Variants in PTGR1 observed in about 807,000 individuals in gnomAD.
PTGR1 encodes the protein 15-oxoprostaglandin 13-reductase.
A neutral mutation model predicts 37.7 loss-of-function variants in PTGR1; 23 were observed. The ratio of observed to expected loss-of-function variants is 0.61; its 90% CI spans 0.44 to 0.86. The LOEUF (loss-of-function observed/expected upper bound fraction) is 0.86, where lower values mean the gene tolerates loss of function less well. Ranked by LOEUF, PTGR1 falls within the 40% of genes least tolerant of loss-of-function variation. The probability of loss-of-function intolerance (pLI) is 0.00; values close to 1 mark genes in which losing one functional copy is unlikely to be tolerated. For synonymous variants in PTGR1, 134 were observed against 140.0 expected (o/e 0.96, Z 0.30); for missense variants, 351 against 394.3 (o/e 0.89, Z 0.93).
chr9:111,561,315 G>A (rs900561633), downstream of PTGR1, among the ~76,000 whole-genome samples: 1 of 151,760 alleles, frequency 6.6e-6, no homozygotes, highest in African/African-American at 2.4e-5. Context: ...TTACTCTGCT[G>A]CCCATGCTGG....
chr9:111,550,542 T>C (rs958017011), intron 9 of PTGR1, among the ~76,000 whole-genome samples: 7 of 152,170 alleles, frequency 4.6e-5, no homozygotes, highest in African/African-American at 1.7e-4. Context: ...CACTCAGAAT[T>C]TCCCCTAGAA....
At position 111,576,321 on chromosome 9, in the gene PTGR1, A is replaced by C. The variant is rs1237270855; in HGVS notation, c.652-1479T>G. On this transcript the variant is annotated intron_variant, in intron 7 of 9. Coordinates refer to ENST00000407693, the MANE Select transcript of PTGR1 (RefSeq NM_001146108.2). ...AACTACTTGCTAAAATTTTATTTGTAACCTCAAACCAGTACTCACTAAGCT... is the reference window on the plus strand; with the variant it reads ...AACTACTTGCTAAAATTTTATTTGTCACCTCAAACCAGTACTCACTAAGCT... 5.6e-6 allele frequency: 9 copies of C among 1,605,298 alleles called. 1 individual carries two copies. The South Asian group carries it at 1.0e-4, about 18-fold the overall frequency.
Position 111,566,407 on chromosome 9 carries a change from C to T in PTGR1, c.880-3176G>A, listed in dbSNP as rs755821701. ...CCAGCCCGGCACTGCAAGTGCTATACTGGGAAGAGTGCCAAGCTCCAGTGG... is the reference window on the plus strand; with the variant it reads ...CCAGCCCGGCACTGCAAGTGCTATATTGGGAAGAGTGCCAAGCTCCAGTGG... On this transcript the variant is annotated intron_variant, in intron 9 of 9. Transcript: ENST00000407693. 2.0e-5 allele frequency among the ~76,000 whole-genome samples: 3 copies of T among 152,306 alleles called. No homozygotes were observed. In the South Asian group the frequency reaches 6.2e-4, roughly 32 times the overall value.
intron 9 of PTGR1, among the ~76,000 whole-genome samples, chr9:111,550,053 G>C (rs1827893970): frequency 6.6e-6 from 1 of 151,826 alleles, no homozygotes; most frequent in Non-Finnish European, 1.5e-5. Flanking sequence ...ATTTTTTGTT[G>C]TTGTTTTTTG....
intron 1 of PTGR1, among the ~76,000 whole-genome samples, chr9:111,598,478 CCTT>C (rs1829849659): frequency 1.3e-5 from 2 of 152,148 alleles, no homozygotes. Context: ...CGGGGTTGTT[CCTT>C]CTTTTCTTTT....
At chr9:111,591,293 G>A (rs13293713) in intron 4 of PTGR1, among the ~76,000 whole-genome samples, 7,373 of 148,264 alleles carry the variant, frequency 0.05, 238 homozygotes, top group Non-Finnish European at 0.079. Context: ...GTGAGACTCC[G>A]TCTCAAAAAA....
intron 4 of PTGR1, chr9:111,592,678 CT>C (rs748848549): frequency 0.091 from 32,744 of 359,084 alleles, no homozygotes; most frequent in East Asian, 0.13. Context: ...TGGACAAATA[CT>C]TTTTTTTTTT....
downstream of PTGR1, among the ~76,000 whole-genome samples, chr9:111,561,108 T>TAGAGAG (rs1468727296): frequency 3.7e-3 from 77 of 20,856 alleles, 7 homozygotes; most frequent in Middle Eastern, 0.029. Flanking sequence ...TATATATATA[T>TAGAGAG]ATAGAGAGAG....
intron 9 of PTGR1, among the ~76,000 whole-genome samples, chr9:111,550,716 G>A (rs2132278353): frequency 6.6e-6 from 1 of 152,186 alleles, no homozygotes; most frequent in South Asian, 2.1e-4. Context: ...TTATCTTCCA[G>A]CTCTACTATT....
chr9:111,566,104 G>A (rs1387164945), intron 9 of PTGR1, among the ~76,000 whole-genome samples: 2 of 152,114 alleles, frequency 1.3e-5, no homozygotes, highest in East Asian at 3.9e-4. Context: ...TTGGGAGGCT[G>A]AAGTGGGAGA....
intron 9 of PTGR1, among the ~76,000 whole-genome samples, chr9:111,552,709 C>G (rs984496823): frequency 6.6e-6 from 1 of 152,086 alleles, no homozygotes; most frequent in Non-Finnish European, 1.5e-5. Flanking sequence ...TTTCTTTGGG[C>G]AGTGTCTTGT....
chr9:111,578,138 G>A (rs1464217525), intron 7 of PTGR1, among the ~76,000 whole-genome samples: 1 of 152,010 alleles, frequency 6.6e-6, no homozygotes, highest in East Asian at 1.9e-4. Context: ...TTTAAAAAAG[G>A]CATATATACT....
chr9:111,593,225 T>C (rs1829677047), intron 3 of PTGR1, among the ~76,000 whole-genome samples: 2 of 152,106 alleles, frequency 1.3e-5, no homozygotes, highest in Admixed American at 1.3e-4. Context: ...ATTGGATTTT[T>C]TTATGAGTGA....
chr9:111,570,733 C>T (rs540428975), intron 8 of PTGR1, among the ~76,000 whole-genome samples: 54 of 151,896 alleles, frequency 3.6e-4, no homozygotes, highest in African/African-American at 1.2e-3. Context: ...GAGCCAAGAT[C>T]GTGCCACCGC....
At chr9:111,586,446 G>A (rs1829431198) in intron 4 of PTGR1, among the ~76,000 whole-genome samples, 1 of 152,094 alleles carries the variant, frequency 6.6e-6, no homozygotes, top group South Asian at 2.1e-4. Context: ...CCTCTGTCCT[G>A]TGGCTCAAGG....
intron 8 of PTGR1, 126 bp from the exon 9 acceptor site, chr9:111,570,335 CCTCA>C: frequency 1.4e-6 from 2 of 1,417,426 alleles, no homozygotes; most frequent in South Asian, 3.0e-5. Context: ...CCTTCCATTT[CCTCA>C]CTCCTTTCTG....
Position 111,570,222 on chromosome 9 carries a change from G to A in PTGR1, c.761-13C>T. ...TCTGGGGGTGGGCCTGTGAAGAGAA[G>A]GGCACATTTGGGTGGCAGGATCCAG... is the stretch of plus-strand genomic sequence containing the variant. On this transcript the variant is annotated splice_polypyrimidine_tract_variant and intron_variant, in intron 8 of 9. Transcript: ENST00000407693. The A allele has an allele frequency of 6.2e-7, 1 of 1,609,136 alleles. No homozygotes were observed. Among genetic ancestry groups the A allele is most frequent in the Non-Finnish European group, 8.5e-7 (1 of 1,177,856 alleles).
rs368919525 is a variant in PTGR1 at position 111,579,000 on chromosome 9, T to C, written c.496-49A>G. ...GGAAACCATGAATAAGTCACAAGCA[T>C]GGACCAACACTACTTTCCTGGTCTC... On this transcript the variant is annotated intron_variant, in intron 6 of 9. Transcript: ENST00000407693. 111 of 1,533,526 alleles carry C rather than the reference T, an allele frequency of 7.2e-5. No individual in the cohort carries two copies. In the African/African-American group the frequency reaches 1.4e-3, roughly 20 times the overall value. 95.0% of individuals were successfully genotyped at this position (1,533,526 alleles called of 1,614,324 possible).
chr9:111,584,217 T>G (rs761103222), intron 5 of PTGR1, among the ~76,000 whole-genome samples: 6 of 152,192 alleles, frequency 3.9e-5, no homozygotes, highest in Admixed American at 1.3e-4. Flanking sequence ...CTCATTGGAT[T>G]GCGAGTTTGG....
Sources: allele counts gnomAD v4.1 joint callset (sites outside exome capture counted in the v4.1 genomes callset), GRCh38; gene constraint gnomAD v4.1.1; transcripts MANE v1.5; gene names NCBI Gene and HGNC (gene_info 2026-07-23, HGNC 2026-07-21).